ATP8B1: variants seen among roughly 807,000 people sequenced by gnomAD.
ATP8B1 encodes ATPase phospholipid transporting 8B1.
A neutral mutation model predicts 149.9 loss-of-function variants in ATP8B1; 80 were observed. The observed-to-expected ratio is 0.53, with a 90% CI of 0.45 to 0.64. ATP8B1 has a LOEUF of 0.64. Ranked by LOEUF, ATP8B1 falls within the 30% of genes least tolerant of loss-of-function variation. The pLI is 0.00. For missense variants in ATP8B1, 1,247 were observed against 1,552.6 expected, an observed-to-expected ratio of 0.80 and a Z score of 3.31; for synonymous variants, 536 against 562.8, an observed-to-expected ratio of 0.95 and a Z score of 0.67.
At chr18:57,704,717 A>G (rs759123217) in intron 3 of ATP8B1, 49 bp from the exon 4 acceptor site, 4 of 1,155,034 alleles carry the variant, frequency 3.5e-6, no homozygotes, top group South Asian at 2.5e-5. Context: ...ATTTATCACA[A>G]TGTATACACA....
chr18:57,653,705 T>C (rs1421558815), intron 24 of ATP8B1, among the ~76,000 whole-genome samples: 1 of 119,232 alleles, frequency 8.4e-6, no homozygotes, highest in African/African-American at 3.2e-5. Flanking sequence ...TTTTTTTTTG[T>C]CTTAGAGATG....
At chr18:57,772,916 C>A (rs2080275462) in intron 1 of ATP8B1, among the ~76,000 whole-genome samples, 2 of 152,104 alleles carry the variant, frequency 1.3e-5, no homozygotes, top group African/African-American at 4.8e-5. Context: ...GCTGGGGCCT[C>A]AACAACATGA....
chr18:57,672,528 C>A (rs1187591046), intron 16 of ATP8B1, among the ~76,000 whole-genome samples: 2 of 151,976 alleles, frequency 1.3e-5, no homozygotes, highest in Non-Finnish European at 2.9e-5. Context: ...CCACCTTAAC[C>A]AAGTGATCAA....
intron 6 of ATP8B1, among the ~76,000 whole-genome samples, chr18:57,700,466 CT>C (rs1190579942): frequency 6.6e-6 from 1 of 152,016 alleles, no homozygotes; most frequent in Non-Finnish European, 1.5e-5. Flanking sequence ...ATGTGAAAAT[CT>C]TTAAAACAAT....
At chr18:57,792,535 C>T (rs2080473725) in intron 1 of ATP8B1, among the ~76,000 whole-genome samples, 1 of 151,966 alleles carries the variant, frequency 6.6e-6, no homozygotes, top group East Asian at 1.9e-4. Context: ...ATAAAATGCC[C>T]GGAATCGGCA....
intron 1 of ATP8B1, among the ~76,000 whole-genome samples, chr18:57,756,190 AACATAT>A (rs751508590): frequency 3.5e-4 from 34 of 97,104 alleles, no homozygotes; most frequent in Admixed American, 7.7e-4. Context: ...ACATTTCCAC[AACATAT>A]ATATATATAT....
chr18:57,705,594 G>A (rs1411961982), intron 3 of ATP8B1, among the ~76,000 whole-genome samples: 3 of 152,140 alleles, frequency 2.0e-5, no homozygotes, highest in African/African-American at 7.2e-5. Flanking sequence ...TGGAAGCAGA[G>A]ATTGGGGTGA....
chr18:57,661,110 C>G, intron 22 of ATP8B1, 64 bp downstream of exon 22: 2 of 1,589,582 alleles, frequency 1.3e-6, no homozygotes, highest in Non-Finnish European at 1.7e-6. Context: ...CCACCCCCTA[C>G]ACATTCCAGC....
At chr18:57,779,681 C>CCT (rs750690850) in intron 1 of ATP8B1, among the ~76,000 whole-genome samples, 4 of 151,994 alleles carry the variant, frequency 2.6e-5, no homozygotes, top group Non-Finnish European at 5.9e-5. Context: ...GGGTAGGTCA[C>CCT]GAGGTCAGCA....
intron 2 of ATP8B1, among the ~76,000 whole-genome samples, chr18:57,713,221 T>TC (rs1411723419): frequency 9.0e-5 from 12 of 133,026 alleles, no homozygotes; most frequent in African/African-American, 3.5e-4. Context: ...CCTTCCTTCC[T>TC]TCCTTCCTTC....
At chr18:57,680,829 CA>C (rs1248458911) in intron 15 of ATP8B1, among the ~76,000 whole-genome samples, 1 of 152,090 alleles carries the variant, frequency 6.6e-6, no homozygotes, top group Non-Finnish European at 1.5e-5. Context: ...CCGTGATGCG[CA>C]AAACTCCTGA....
At position 57,648,454 on chromosome 18, in the gene ATP8B1, C is replaced by A. The variant is rs961451242; in HGVS notation, c.*34G>T. ...AGTCTTTCATAAAAAAATAGACGTG[C>A]TTTGTGGCCGCATCCCAGCCTGGGG... is the stretch of plus-strand genomic sequence containing the variant. On this transcript the variant is annotated 3_prime_UTR_variant, in exon 28 of 28. Transcript: ENST00000648908. The A allele has an allele frequency of 2.5e-6, 4 of 1,607,572 alleles. No homozygotes were observed. In the East Asian group the frequency reaches 6.7e-5, roughly 27 times the overall value.
chr18:57,800,107 G>A (rs2080559933), intron 1 of ATP8B1, among the ~76,000 whole-genome samples: 1 of 152,138 alleles, frequency 6.6e-6, no homozygotes, highest in African/African-American at 2.4e-5. Context: ...AAACTTTCCA[G>A]GAGACTAAAC....
At chr18:57,697,927 T>G in intron 6 of ATP8B1, 60 bp from the exon 7 acceptor site, 1 of 1,427,292 alleles carries the variant, frequency 7.0e-7, no homozygotes, top group Non-Finnish European at 9.8e-7. Context: ...AGGGAATTAC[T>G]ATTCTTTCTG....
At chr18:57,752,016 G>A (rs1479114450) in intron 1 of ATP8B1, among the ~76,000 whole-genome samples, 2 of 151,826 alleles carry the variant, frequency 1.3e-5, no homozygotes, top group Non-Finnish European at 2.9e-5. Flanking sequence ...GACCAGCCTG[G>A]GCAACATGGC....
chr18:57,744,322 A>AG (rs541859309), intron 1 of ATP8B1, among the ~76,000 whole-genome samples: 2,164 of 151,016 alleles, frequency 0.014, 62 homozygotes, highest in African/African-American at 0.047. Flanking sequence ...AAAAAAAAAA[A>AG]AAAGAAAGAA....
In ATP8B1 at chr18:57,684,085, G is replaced by C; in HGVS notation, c.1581C>G (p.Phe527Leu). The C allele has an allele frequency of 6.2e-7, 1 of 1,614,092 alleles. No individual in the cohort carries two copies. Among genetic ancestry groups the C allele is most frequent in the Non-Finnish European group, 8.5e-7 (1 of 1,180,014 alleles). Residue 527 changes from phenylalanine (F) to leucine (L), a missense_variant, in exon 15 of 28, where the codon TTC becomes TTG. Phe to Leu is a conservative substitution (Grantham distance 22). Around this residue, in one of 3 missense-constraint regions of ATP8B1, gnomAD observed 853 missense variants for 1,035.7 expected, o/e 0.82. Transcript: ENST00000648908. ...QSGKEPEVRQ[F>L]FFLLAVCHTV... ...TGTGGCAAACTGCGAGCAAGAAGAA[G>C]AACTGTCGTACTTCTGGCTCTTTCC...
intron 1 of ATP8B1, among the ~76,000 whole-genome samples, chr18:57,742,772 T>A (rs1412224638): frequency 6.6e-6 from 1 of 151,792 alleles, no homozygotes; most frequent in African/African-American, 2.4e-5. Context: ...TGCAGTGAGT[T>A]AGGATCTTGC....
chr18:57,764,245 G>GCCTT (rs564194950), intron 1 of ATP8B1, among the ~76,000 whole-genome samples: 105 of 151,916 alleles, frequency 6.9e-4, no homozygotes, highest in Non-Finnish European at 1.4e-3. Flanking sequence ...CAGGGAGCCT[G>GCCTT]CCTTCCTTCC....
Sources: allele counts gnomAD v4.1 joint callset (sites outside exome capture counted in the v4.1 genomes callset), GRCh38; gene constraint gnomAD v4.1.1; regional missense constraint gnomAD v4.1.1; transcripts MANE v1.5; gene names NCBI Gene and HGNC (gene_info 2026-07-23, HGNC 2026-07-21).